The following SLC26A7 variants were observed in gnomAD, a reference collection of about 807,000 sequenced individuals.
SLC26A7 encodes solute carrier family 26 member 7.
In SLC26A7, 59 loss-of-function variants were observed where a neutral mutation model predicts 82.5. The ratio of observed to expected loss-of-function variants is 0.72; its 90% CI spans 0.58 to 0.89. SLC26A7 has a LOEUF of 0.89. Ranked by LOEUF, SLC26A7 falls within the 40% of genes least tolerant of loss-of-function variation. SLC26A7 has a pLI of 0.00. For synonymous variants in SLC26A7, 271 were observed against 274.3 expected (o/e 0.99, Z 0.12); for missense variants, 820 against 793.0 (o/e 1.03, Z -0.41).
Position 91,249,722 on chromosome 8 carries a change from T to C in SLC26A7, c.71T>C (p.Ile24Thr), listed in dbSNP as rs142617028. 8.6e-4 allele frequency: 1,377 copies of C among 1,608,860 alleles called. 1 individual carries two copies. The highest frequency in any genetic ancestry group is 1.0e-3 in the Non-Finnish European group (1,223 of 1,177,574). Reference protein sequence around the residue: ...SKMHTPQCEDIIQWCRRRLPI... With the variant: ...SKMHTPQCEDTIQWCRRRLPI... ...ATGCATACCCCCCAGTGTGAAGACA[T>C]TATACAGTGGTGTAGAAGGCGACTG... Residue 24 changes from isoleucine (I) to threonine (T), a missense_variant, in exon 2 of 19, where the codon ATT becomes ACT. By Grantham distance (89) the Ile-to-Thr change is moderately conservative. Coordinates refer to ENST00000276609, the MANE Select transcript of SLC26A7 (RefSeq NM_052832.4).
intron 2 of SLC26A7, among the ~76,000 whole-genome samples, chr8:91,257,998 C>T (rs893096830): frequency 1.3e-5 from 2 of 151,994 alleles, no homozygotes; most frequent in Non-Finnish European, 2.9e-5. Context: ...AAATGCCAGA[C>T]ACTTATAAAA....
At chr8:91,271,705 C>T (rs1479916186) in intron 2 of SLC26A7, among the ~76,000 whole-genome samples, 2 of 151,634 alleles carry the variant, frequency 1.3e-5, no homozygotes, top group African/African-American at 4.9e-5. Flanking sequence ...CCCCATTCTC[C>T]TTCCTCAGCC....
intron 9 of SLC26A7, 140 bp from the exon 10 acceptor site, chr8:91,351,670 G>A (rs1813719047): frequency 9.7e-6 from 6 of 615,582 alleles, no homozygotes; most frequent in Admixed American, 5.8e-5. Context: ...GACAGTCTAA[G>A]CAATTTAACA....
chr8:91,264,398 G>A (rs528291911), intron 2 of SLC26A7, among the ~76,000 whole-genome samples: 2 of 152,202 alleles, frequency 1.3e-5, no homozygotes, highest in South Asian at 2.1e-4. Context: ...CTGGATAGAC[G>A]ATGGCCTTGC....
intron 14 of SLC26A7, among the ~76,000 whole-genome samples, chr8:91,367,806 T>G (rs1253900670): frequency 3.3e-5 from 5 of 152,190 alleles, no homozygotes; most frequent in African/African-American, 1.2e-4. Flanking sequence ...GATCTCTTCT[T>G]TTTCTTGTGT....
chr8:91,340,598 C>G, intron 8 of SLC26A7, 47 bp downstream of exon 8: 1 of 1,604,424 alleles, frequency 6.2e-7, no homozygotes, highest in Non-Finnish European at 8.5e-7. Flanking sequence ...TATCATTGCA[C>G]TGTGCACTCC....
At chr8:91,381,083 GA>G (rs1814658982) in intron 15 of SLC26A7, among the ~76,000 whole-genome samples, 2 of 152,024 alleles carry the variant, frequency 1.3e-5, no homozygotes, top group South Asian at 4.1e-4. Context: ...AAACTTAGAT[GA>G]ATAAAAAAGC....
rs1813725620 is a variant in SLC26A7 at position 91,351,846 on chromosome 8, G to C, written c.1177G>C (p.Val393Leu). ...CLISCIFVLI[V>L]IYAIGPLLYW... ...AATATCTTGCATTTTCGTCCTTATA[G>C]TCATCTATGCAATAGGACCTTTGCT... is the stretch of plus-strand genomic sequence containing the variant. Residue 393 changes from valine to leucine, a missense_variant, in exon 10 of 19, where the codon GTC (valine) becomes CTC (leucine). By Grantham distance (32) the Val-to-Leu change is conservative. Transcript: ENST00000276609. 4 of 1,612,446 alleles carry C rather than the reference G, an allele frequency of 2.5e-6. No homozygotes were observed. The highest frequency in any genetic ancestry group is 3.4e-6 in the Non-Finnish European group (4 of 1,178,954).
intron 15 of SLC26A7, among the ~76,000 whole-genome samples, chr8:91,387,707 G>T (rs1042740195): frequency 5.9e-5 from 9 of 152,084 alleles, no homozygotes; most frequent in African/African-American, 2.2e-4. Flanking sequence ...ACTCTGTTTT[G>T]TAAATTCACA....
upstream of SLC26A7, among the ~76,000 whole-genome samples, chr8:91,246,700 T>TAA (rs1206713399): frequency 1.1e-4 from 14 of 129,014 alleles, no homozygotes; most frequent in Middle Eastern, 3.8e-3. Flanking sequence ...GACTCTGTCT[T>TAA]AAAAAAAAAA....
At chr8:91,331,659 C>T (rs527565422) in intron 5 of SLC26A7, among the ~76,000 whole-genome samples, 25 of 152,138 alleles carry the variant, frequency 1.6e-4, no homozygotes, top group African/African-American at 5.3e-4. Context: ...TATATATATA[C>T]ACATTGTGAA....
At chr8:91,210,562 G>GACACACACACACACACAC (rs35968986) in intron 1 of SLC26A7, among the ~76,000 whole-genome samples, 37 of 146,198 alleles carry the variant, frequency 2.5e-4, no homozygotes, top group African/African-American at 7.8e-4. Context: ...CACACACACA[G>GACACACACACACACACAC]ACACACACAC....
chr8:91,231,044 C>T (rs913251519), intron 2 of SLC26A7, among the ~76,000 whole-genome samples: 1 of 152,044 alleles, frequency 6.6e-6, no homozygotes, highest in Non-Finnish European at 1.5e-5. Flanking sequence ...TCCATCTTAT[C>T]TGGGTTTTAT....
intron 3 of SLC26A7, among the ~76,000 whole-genome samples, chr8:91,291,213 C>T (rs944679928): frequency 3.9e-5 from 6 of 152,000 alleles, no homozygotes; most frequent in Admixed American, 6.6e-5. Context: ...TTACATTGCA[C>T]GTGAAAAGAA....
chr8:91,391,810 T>G (rs1354474089), intron 16 of SLC26A7, among the ~76,000 whole-genome samples: 1 of 152,036 alleles, frequency 6.6e-6, no homozygotes, highest in African/African-American at 2.4e-5. Flanking sequence ...GGATTTTTTT[T>G]TTTTTAAACT....
At chr8:91,212,723 T>C (rs2130648439) in intron 1 of SLC26A7, among the ~76,000 whole-genome samples, 1 of 152,284 alleles carries the variant, frequency 6.6e-6, no homozygotes, top group Non-Finnish European at 1.5e-5. Flanking sequence ...TTTAAAACAT[T>C]TATGCCGTGG....
chr8:91,389,912 A>G (rs967459781), intron 16 of SLC26A7, among the ~76,000 whole-genome samples: 1 of 152,166 alleles, frequency 6.6e-6, no homozygotes, highest in Admixed American at 6.5e-5. Flanking sequence ...CTGTTCTCTC[A>G]GGCAATGGTG....
chr8:91,332,196 G>T (rs1275317820), intron 5 of SLC26A7, among the ~76,000 whole-genome samples: 3 of 143,998 alleles, frequency 2.1e-5, no homozygotes, highest in Non-Finnish European at 4.5e-5. Context: ...TTAAGTTAGA[G>T]ACCCTACCTC....
intron 2 of SLC26A7, chr8:91,219,163 A>G (rs984799755): frequency 2.5e-5 from 10 of 394,338 alleles, no homozygotes; most frequent in East Asian, 1.1e-4. Context: ...AAGCACTACA[A>G]TCTGCCTTCA....
Sources: allele counts gnomAD v4.1 joint callset (sites outside exome capture counted in the v4.1 genomes callset), GRCh38; gene constraint gnomAD v4.1.1; transcripts MANE v1.5; gene names NCBI Gene and HGNC (gene_info 2026-07-23, HGNC 2026-07-21).